The following ADGB variants were observed in gnomAD, a reference collection of about 807,000 sequenced individuals.
The protein encoded by ADGB is calpain-7-like protein.
A neutral mutation model predicts 210.5 loss-of-function variants in ADGB; 172 were observed. The ratio of observed to expected loss-of-function variants is 0.82; its 90% CI spans 0.72 to 0.93. ADGB has a LOEUF of 0.93. ADGB is among the 40% of genes least tolerant of loss of function. The pLI is 0.00. For synonymous variants in ADGB, 658 were observed against 662.7 expected, an observed-to-expected ratio of 0.99 and a Z score of 0.11; for missense variants, 2,025 against 1,964.8, an observed-to-expected ratio of 1.03 and a Z score of -0.58.
intron 1 of ADGB, among the ~76,000 whole-genome samples, chr6:146,613,276 T>C (rs2114831989): frequency 6.6e-6 from 1 of 152,354 alleles, no homozygotes; most frequent in South Asian, 2.1e-4. Context: ...CTTTAACTAT[T>C]TTAATTTAAA....
intron 3 of ADGB, among the ~76,000 whole-genome samples, chr6:146,649,977 A>G (rs9497590): frequency 0.2 from 29,866 of 152,136 alleles, 3,178 homozygotes; most frequent in East Asian, 0.24. Context: ...TATGTATTAT[A>G]TATGTACACA....
chr6:146,620,992 C>A (rs1238697404), intron 1 of ADGB, among the ~76,000 whole-genome samples: 1 of 152,088 alleles, frequency 6.6e-6, no homozygotes, highest in Non-Finnish European at 1.5e-5. Flanking sequence ...TGCTTTCCAT[C>A]CTGGGAAGAA....
intron 7 of ADGB, among the ~76,000 whole-genome samples, chr6:146,668,565 T>C (rs1775966785): frequency 6.6e-6 from 1 of 152,064 alleles, no homozygotes; most frequent in South Asian, 2.1e-4. Flanking sequence ...GTGTACAATG[T>C]TAGTGAGAGA....
chr6:146,697,139 C>A (rs1304963797), intron 12 of ADGB, among the ~76,000 whole-genome samples: 4 of 151,914 alleles, frequency 2.6e-5, no homozygotes, highest in Admixed American at 2.6e-4. Flanking sequence ...GAAGAGGAAC[C>A]CACACTCACT....
chr6:146,624,746 GTGGCATTCCACA>G (rs2114847394), intron 1 of ADGB, among the ~76,000 whole-genome samples: 2 of 151,920 alleles, frequency 1.3e-5, no homozygotes, highest in Admixed American at 1.3e-4. Context: ...TGTTACTGTA[GTGGCATTCCACA>G]AATTTTAATT....
chr6:146,759,801 A>G, intron 27 of ADGB, among the ~76,000 whole-genome samples: 1 of 151,702 alleles, frequency 6.6e-6, no homozygotes, highest in East Asian at 1.9e-4. Context: ...ACAGAGTTAT[A>G]TTTCTTGACT....
At chr6:146,803,366 T>A (rs1778160975) in intron 35 of ADGB, 1 of 1,607,188 alleles carries the variant, frequency 6.2e-7, no homozygotes, top group South Asian at 1.1e-5. Context: ...TGTCATGGTG[T>A]AATTTTTCAG....
intron 1 of ADGB, among the ~76,000 whole-genome samples, chr6:146,624,415 T>C (rs1353119045): frequency 2.0e-5 from 3 of 151,888 alleles, no homozygotes; most frequent in Non-Finnish European, 4.4e-5. Context: ...GGATCTGTAG[T>C]GATGTCTTCT....
intron 18 of ADGB, chr6:146,724,928 A>G (rs1776872722): frequency 6.6e-6 from 1 of 152,214 alleles, no homozygotes; most frequent in Admixed American, 6.5e-5. Context: ...TTCAGAAGAA[A>G]TATTTTCACT....
chr6:146,613,998 T>A (rs1052960582), intron 1 of ADGB, among the ~76,000 whole-genome samples: 1 of 152,058 alleles, frequency 6.6e-6, no homozygotes, highest in African/African-American at 2.4e-5. Context: ...AATAGATATA[T>A]ATATAAAAAT....
intron 1 of ADGB, among the ~76,000 whole-genome samples, chr6:146,609,608 C>T (rs993459687): frequency 6.6e-6 from 1 of 152,280 alleles, no homozygotes; most frequent in South Asian, 2.1e-4. Context: ...ATATTTAGCA[C>T]TCCCTTAAGG....
At chr6:146,805,479 A>G (rs1254828882) in intron 35 of ADGB, among the ~76,000 whole-genome samples, 1 of 152,242 alleles carries the variant, frequency 6.6e-6, no homozygotes, top group Non-Finnish European at 1.5e-5. Flanking sequence ...GGTTATCATA[A>G]TGCATATTTA....
chr6:146,770,680 C>G, intron 29 of ADGB: 1 of 437,228 alleles, frequency 2.3e-6, no homozygotes, highest in Non-Finnish European at 4.9e-6. Context: ...TCAGGCTCAA[C>G]GAGAAAGTTT....
chr6:146,640,560 A>G (rs943012784), intron 2 of ADGB, among the ~76,000 whole-genome samples: 1 of 152,098 alleles, frequency 6.6e-6, no homozygotes, highest in African/African-American at 2.4e-5. Flanking sequence ...AAGCTAATCC[A>G]ACATGATCAA....
intron 29 of ADGB, among the ~76,000 whole-genome samples, chr6:146,779,072 A>AC (rs1346040282): frequency 2.0e-5 from 3 of 152,014 alleles, no homozygotes; most frequent in Non-Finnish European, 4.4e-5. Context: ...GAAAAAAAAA[A>AC]AAAAAACAGC....
chr6:146,780,365 A>G (rs1417683279), intron 29 of ADGB, among the ~76,000 whole-genome samples: 1 of 152,174 alleles, frequency 6.6e-6, no homozygotes, highest in African/African-American at 2.4e-5. Context: ...AATTATTTTA[A>G]ATGTAAGTTA....
chr6:146,667,159 A>C (rs1775948351), intron 7 of ADGB, among the ~76,000 whole-genome samples: 1 of 152,048 alleles, frequency 6.6e-6, no homozygotes, highest in Non-Finnish European at 1.5e-5. Context: ...TTAACAAGAG[A>C]AAAACACACA....
chr6:146,745,275 C>T (rs983602404), intron 25 of ADGB, among the ~76,000 whole-genome samples: 1 of 152,104 alleles, frequency 6.6e-6, no homozygotes, highest in Non-Finnish European at 1.5e-5. Context: ...TGAACATTTG[C>T]ATCTATTATG....
intron 30 of ADGB, among the ~76,000 whole-genome samples, chr6:146,783,753 G>A (rs191736945): frequency 6.6e-6 from 1 of 152,234 alleles, no homozygotes. Flanking sequence ...TCGACCTTAT[G>A]TAAAGTGCTA....
Sources: gnomAD v4.1 joint callset for allele counts (sites outside exome capture counted in the v4.1 genomes callset) on GRCh38, gnomAD v4.1.1 for gene constraint, MANE v1.5 for transcripts, NCBI Gene and HGNC (gene_info 2026-07-23, HGNC 2026-07-21) for gene names.